The following TEC variants were observed in gnomAD, a reference collection of about 807,000 sequenced individuals.
TEC encodes tec protein tyrosine kinase.
TEC carries 72 observed loss-of-function variants against 93.0 expected under a neutral mutation model. The observed-to-expected ratio is 0.77, with a 90% CI of 0.64 to 0.94. The LOEUF (loss-of-function observed/expected upper bound fraction) is 0.94, where lower values mean the gene tolerates loss of function less well. Ranked by LOEUF, TEC falls within the 40% of genes least tolerant of loss-of-function variation. The pLI is 0.00. For synonymous variants in TEC, 249 were observed against 247.7 expected, an observed-to-expected ratio of 1.01 and a Z score of -0.05; for missense variants, 630 against 757.9, an observed-to-expected ratio of 0.83 and a Z score of 1.98.
intron 1 of TEC, among the ~76,000 whole-genome samples, chr4:48,248,314 A>G (rs566204446): frequency 2.0e-5 from 3 of 152,148 alleles, no homozygotes; most frequent in African/African-American, 7.2e-5. Context: ...GCTTCTGGCA[A>G]TTATAAGCTA....
intron 2 of TEC, among the ~76,000 whole-genome samples, chr4:48,199,399 T>G (rs759420622): frequency 2.0e-4 from 30 of 151,172 alleles, no homozygotes; most frequent in Non-Finnish European, 3.8e-4. Flanking sequence ...CTGGATTCCA[T>G]TCAATCACTC....
intron 8 of TEC, among the ~76,000 whole-genome samples, chr4:48,161,598 CTTTTTTT>C (rs34780131): frequency 7.7e-6 from 1 of 130,124 alleles, no homozygotes. Context: ...CTGCCAGAGG[CTTTTTTT>C]TTTTTTTTTT....
At chr4:48,269,323 C>T (rs1724721432) in intron 1 of TEC, among the ~76,000 whole-genome samples, 1 of 152,248 alleles carries the variant, frequency 6.6e-6, no homozygotes, top group Non-Finnish European at 1.5e-5. Flanking sequence ...TCTATCTCGA[C>T]ACTGCCAAAT....
intron 1 of TEC, among the ~76,000 whole-genome samples, chr4:48,266,383 T>A (rs1420154574): frequency 1.3e-5 from 2 of 152,120 alleles, no homozygotes; most frequent in Non-Finnish European, 2.9e-5. Context: ...CAGTCTGGAT[T>A]ATAGCAAGCC....
At chr4:48,264,340 C>T (rs1724577783) in intron 1 of TEC, among the ~76,000 whole-genome samples, 1 of 152,176 alleles carries the variant, frequency 6.6e-6, no homozygotes, top group Non-Finnish European at 1.5e-5. Context: ...CCCTTCTCTA[C>T]CCCAGCAAAA....
At chr4:48,258,732 C>G (rs1472972) in intron 1 of TEC, among the ~76,000 whole-genome samples, 83,442 of 128,152 alleles carry the variant, frequency 0.65, 23,166 homozygotes, top group East Asian at 0.76. Context: ...CTTTGTGTGG[C>G]GTCTTTTCAA....
intron 2 of TEC, among the ~76,000 whole-genome samples, chr4:48,188,903 A>G (rs1721995109): frequency 6.6e-6 from 1 of 152,186 alleles, no homozygotes; most frequent in African/African-American, 2.4e-5. Context: ...GCCCATGCAT[A>G]TGCGCGCACA....
At chr4:48,264,008 AC>A (rs1229927336) in intron 1 of TEC, among the ~76,000 whole-genome samples, 1 of 152,232 alleles carries the variant, frequency 6.6e-6, no homozygotes, top group African/African-American at 2.4e-5. Context: ...CTATTAGCAG[AC>A]TGGACAAAAA....
intron 11 of TEC, among the ~76,000 whole-genome samples, chr4:48,147,259 C>T (rs1719956055): frequency 6.6e-6 from 1 of 152,170 alleles, no homozygotes; most frequent in African/African-American, 2.4e-5. Context: ...GCAGCATACC[C>T]ATAACTAGGT....
chr4:48,231,756 G>GA lies in TEC; in HGVS notation c.-45-3098dup, dbSNP rs1381541141. ...TGGGCGACAGAGCAAGACTCCGTCT[G>GA]AAAAAAAAACAACAAAGAATGGATA... On this transcript the variant is annotated intron_variant, in intron 1 of 17. Transcript: ENST00000381501. Among the ~76,000 whole-genome samples the GA allele has an allele frequency of 2.0e-4, 30 of 148,854 alleles. 1 individual carries two copies. In the South Asian group the frequency reaches 4.9e-3, roughly 24 times the overall value.
intron 3 of TEC, among the ~76,000 whole-genome samples, chr4:48,173,989 T>C (rs1357325607): frequency 6.6e-6 from 1 of 152,224 alleles, no homozygotes; most frequent in Admixed American, 6.5e-5. Context: ...CTGAACCTAA[T>C]GTAAAATTTC....
At chr4:48,214,240 A>C (rs1241182056) in intron 2 of TEC, among the ~76,000 whole-genome samples, 2 of 109,686 alleles carry the variant, frequency 1.8e-5, no homozygotes, top group Non-Finnish European at 3.4e-5. Context: ...ACACATATAC[A>C]TTTAACAGGA....
At chr4:48,253,772 A>C (rs1426103607) in intron 1 of TEC, among the ~76,000 whole-genome samples, 3 of 151,906 alleles carry the variant, frequency 2.0e-5, no homozygotes, top group Non-Finnish European at 4.4e-5. Context: ...ACAGGATTTC[A>C]CCATGTTGAC....
chr4:48,244,666 A>G (rs1282749040), intron 1 of TEC, among the ~76,000 whole-genome samples: 2 of 152,170 alleles, frequency 1.3e-5, no homozygotes, highest in African/African-American at 2.4e-5. Flanking sequence ...TTTAAACTCT[A>G]CTGTATATCA....
intron 2 of TEC, among the ~76,000 whole-genome samples, chr4:48,211,347 C>A (rs1214872877): frequency 2.0e-5 from 3 of 152,144 alleles, no homozygotes; most frequent in African/African-American, 7.2e-5. Flanking sequence ...ATATTTTCAT[C>A]AGAACACCTA....
At chr4:48,259,648 G>A (rs1724443354) in intron 1 of TEC, among the ~76,000 whole-genome samples, 1 of 150,250 alleles carries the variant, frequency 6.7e-6, no homozygotes, top group South Asian at 2.1e-4. Flanking sequence ...CCCAGGAGGT[G>A]AAGATTGCAG....
chr4:48,169,155 A>AC (rs1403438688), intron 5 of TEC, among the ~76,000 whole-genome samples: 1 of 151,538 alleles, frequency 6.6e-6, no homozygotes, highest in East Asian at 1.9e-4. Context: ...GGCATCCTTG[A>AC]CCCCCTTCTT....
chr4:48,256,301 T>C (rs568613882), intron 1 of TEC, among the ~76,000 whole-genome samples: 1 of 152,022 alleles, frequency 6.6e-6, no homozygotes, highest in African/African-American at 2.4e-5. Context: ...AATGCCTCTG[T>C]GGCCGGGCAC....
intron 2 of TEC, among the ~76,000 whole-genome samples, chr4:48,202,392 C>G (rs968762490): frequency 2.0e-5 from 3 of 151,872 alleles, no homozygotes; most frequent in Non-Finnish European, 2.9e-5. Context: ...AAGCCAAAAC[C>G]CTGTCTCTAC....
Sources: gnomAD v4.1 joint callset for allele counts (sites outside exome capture counted in the v4.1 genomes callset) on GRCh38, gnomAD v4.1.1 for gene constraint, MANE v1.5 for transcripts, NCBI Gene and HGNC (gene_info 2026-07-23, HGNC 2026-07-21) for gene names.